Variants in NAT1 observed in about 807,000 individuals in gnomAD.
NAT1 encodes arylamine N-acetyltransferase 1.
For synonymous variants in NAT1, 144 were observed against 122.6 expected (o/e 1.17, Z -1.16); for missense variants, 400 against 339.2 (o/e 1.18, Z -1.41).
rs1008397809 is a variant in NAT1 at position 18,219,466 on chromosome 8, C to A, written c.-30C>A. ...CTTCTGGATTAAAACTGAAGATCAA[C>A]CTACTTTCAACTTACTAAGAAAGGT... On this transcript the variant is annotated 5_prime_UTR_variant, in exon 2 of 3. Transcript: ENST00000307719. The A allele has an allele frequency of 6.5e-7, 1 of 1,550,200 alleles. No individual in the cohort carries two copies. Among genetic ancestry groups the A allele is most frequent in the Admixed American group, 2.0e-5 (1 of 50,814 alleles).
At chr8:18,216,059 TG>T (rs1804623994) in intron 1 of NAT1, among the ~76,000 whole-genome samples, 1 of 1,974 alleles carries the variant, frequency 5.1e-4, no homozygotes, top group African/African-American at 5.4e-3. Flanking sequence ...TCAGTGAATG[TG>T]CTTTTTTTTG....
At chr8:18,189,231 C>A (rs1802879822) in intron 2 of NAT1, among the ~76,000 whole-genome samples, 1 of 152,052 alleles carries the variant, frequency 6.6e-6, no homozygotes, top group Non-Finnish European at 1.5e-5. Flanking sequence ...TGTTTTATGG[C>A]AGCAATTTTA....
chr8:18,208,812 G>A (rs115563577), upstream of NAT1, among the ~76,000 whole-genome samples: 1,606 of 152,216 alleles, frequency 0.011, 24 homozygotes, highest in African/African-American at 0.035. Flanking sequence ...CCCCCGCCCC[G>A]GGTCAGAGGG....
chr8:18,177,389 C>A (rs1168772025), intron 2 of NAT1, among the ~76,000 whole-genome samples: 1 of 152,044 alleles, frequency 6.6e-6, no homozygotes, highest in Non-Finnish European at 1.5e-5. Context: ...TCAGACTTAT[C>A]CTCTAAGTCC....
At chr8:18,214,844 C>G (rs1340786558) in intron 1 of NAT1, among the ~76,000 whole-genome samples, 1 of 152,192 alleles carries the variant, frequency 6.6e-6, no homozygotes, top group Non-Finnish European at 1.5e-5. Flanking sequence ...CTCCCACCCT[C>G]CAACCTGTGA....
chr8:18,195,304 T>G (rs923503655), intron 2 of NAT1, among the ~76,000 whole-genome samples: 1 of 152,188 alleles, frequency 6.6e-6, no homozygotes, highest in Non-Finnish European at 1.5e-5. Context: ...GTCAAAAGCA[T>G]AGATTGCTTC....
At chr8:18,199,674 T>C (rs536785809) in intron 2 of NAT1, among the ~76,000 whole-genome samples, 1 of 152,194 alleles carries the variant, frequency 6.6e-6, no homozygotes, top group African/African-American at 2.4e-5. Flanking sequence ...TCAGAGAACA[T>C]GACCTTTGAG....
chr8:18,189,335 C>G (rs971337918), intron 2 of NAT1, among the ~76,000 whole-genome samples: 5 of 152,072 alleles, frequency 3.3e-5, no homozygotes, highest in Admixed American at 6.6e-5. Flanking sequence ...TGTTTGTAAT[C>G]TGCTTTAATC....
chr8:18,191,402 G>A (rs935563881), intron 2 of NAT1, among the ~76,000 whole-genome samples: 1 of 151,882 alleles, frequency 6.6e-6, no homozygotes, highest in Admixed American at 6.6e-5. Context: ...TAAGATTTTT[G>A]CATTTCACAA....
At chr8:18,205,066 G>A (rs572442910) in intron 2 of NAT1, among the ~76,000 whole-genome samples, 3 of 152,140 alleles carry the variant, frequency 2.0e-5, no homozygotes, top group Non-Finnish European at 4.4e-5. Flanking sequence ...GGGGGTCGAG[G>A]TACTCCCGGA....
At chr8:18,209,218 A>G (rs1277354858), upstream of NAT1, among the ~76,000 whole-genome samples, 2 of 152,236 alleles carry the variant, frequency 1.3e-5, no homozygotes, top group East Asian at 3.9e-4. Flanking sequence ...GCCTGAGGAC[A>G]TGCCAAGAGA....
At chr8:18,200,698 TA>T (rs1179349154) in intron 2 of NAT1, among the ~76,000 whole-genome samples, 1 of 151,828 alleles carries the variant, frequency 6.6e-6, no homozygotes, top group Admixed American at 6.6e-5. Flanking sequence ...TAAAAAATAA[TA>T]AAAAAACTAA....
At chr8:18,188,348 C>G (rs899451568) in intron 2 of NAT1, among the ~76,000 whole-genome samples, 1 of 152,064 alleles carries the variant, frequency 6.6e-6, no homozygotes. Context: ...ACACTAATGA[C>G]GAAATTTTTC....
At chr8:18,183,081 C>T (rs1802584263) in intron 2 of NAT1, among the ~76,000 whole-genome samples, 1 of 152,150 alleles carries the variant, frequency 6.6e-6, no homozygotes, top group South Asian at 2.1e-4. Context: ...TGTATTGGCT[C>T]ATAGTTCTGA....
chr8:18,207,325 C>CT (rs1803766490), upstream of NAT1, among the ~76,000 whole-genome samples: 1 of 152,024 alleles, frequency 6.6e-6, no homozygotes, highest in African/African-American at 2.4e-5. Flanking sequence ...CAGCTTTGTT[C>CT]TTTTTGCTTA....
intron 2 of NAT1, among the ~76,000 whole-genome samples, chr8:18,188,515 G>A (rs1444656760): frequency 6.6e-6 from 1 of 151,984 alleles, no homozygotes; most frequent in African/African-American, 2.4e-5. Flanking sequence ...GTCAAAAAAA[G>A]TTGATTTTAT....
intron 2 of NAT1, among the ~76,000 whole-genome samples, chr8:18,171,629 C>CA (rs1199400552): frequency 2.6e-5 from 4 of 151,834 alleles, no homozygotes; most frequent in African/African-American, 9.7e-5. Flanking sequence ...ACAAACAAAA[C>CA]AAAAAAACCT....
chr8:18,208,212 A>C (rs929076390), upstream of NAT1, among the ~76,000 whole-genome samples: 3 of 152,172 alleles, frequency 2.0e-5, no homozygotes, highest in South Asian at 6.2e-4. Flanking sequence ...TAGGTGCAGC[A>C]AACCACCATG....
rs1271553343 is a variant in NAT1, at chr8:18,219,490, G to C, written c.-7+1G>C. 3 of 1,540,076 alleles carry C rather than the reference G, an allele frequency of 1.9e-6. No homozygotes were observed. The highest frequency in any genetic ancestry group is 2.6e-6 in the Non-Finnish European group (3 of 1,138,534). On this transcript the variant is annotated splice_donor_variant, in intron 2 of 2. Coordinates refer to ENST00000307719, the MANE Select transcript of NAT1 (RefSeq NM_000662.8). LOFTEE classifies it low-confidence loss of function (5UTR_SPLICE). ...ACCTACTTTCAACTTACTAAGAAAGGTATTAAGCGCCTTTCTGAGAGCTCT... is the reference window on the plus strand; with the variant it reads ...ACCTACTTTCAACTTACTAAGAAAGCTATTAAGCGCCTTTCTGAGAGCTCT...
Sources: gnomAD v4.1 joint callset for allele counts (sites outside exome capture counted in the v4.1 genomes callset) on GRCh38, gnomAD v4.1.1 for gene constraint, MANE v1.5 for transcripts, NCBI Gene and HGNC (gene_info 2026-07-23, HGNC 2026-07-21) for gene names.